NRG3: variants seen among roughly 807,000 people sequenced by gnomAD.
NRG3 encodes pro-neuregulin-3, membrane-bound isoform.
A neutral mutation model predicts 66.9 loss-of-function variants in NRG3; 31 were observed. The ratio of observed to expected loss-of-function variants is 0.46; its 90% CI spans 0.35 to 0.63. The LOEUF (loss-of-function observed/expected upper bound fraction) is 0.63, where lower values mean the gene tolerates loss of function less well. Among genes scored for constraint, NRG3 ranks in the 20% least tolerant of loss-of-function variants. The pLI is 0.00. For synonymous variants in NRG3, 393 were observed against 359.4 expected, an observed-to-expected ratio of 1.09 and a Z score of -1.06; for missense variants, 910 against 878.9, an observed-to-expected ratio of 1.04 and a Z score of -0.45.
intron 2 of NRG3, among the ~76,000 whole-genome samples, chr10:82,727,359 G>A (rs2057658161): frequency 2.0e-5 from 3 of 152,338 alleles, no homozygotes; most frequent in Admixed American, 6.5e-5. Context: ...GCCAGGCCTA[G>A]GGCCCCTCTG....
chr10:82,791,643 C>T (rs1257931122), intron 3 of NRG3, among the ~76,000 whole-genome samples: 2 of 152,114 alleles, frequency 1.3e-5, no homozygotes, highest in African/African-American at 2.4e-5. Context: ...ATGCGTATAA[C>T]ATTGTGAATC....
chr10:81,930,362 A>G (rs572031974), intron 1 of NRG3, among the ~76,000 whole-genome samples: 1 of 152,316 alleles, frequency 6.6e-6, no homozygotes, highest in Non-Finnish European at 1.5e-5. Context: ...CACAGAATTC[A>G]GGAAAGCATT....
chr10:82,130,595 T>C (rs1366067895), intron 1 of NRG3, among the ~76,000 whole-genome samples: 1 of 152,196 alleles, frequency 6.6e-6, no homozygotes, highest in East Asian at 1.9e-4. Context: ...AGTTCCATTT[T>C]TAGTTTCTTG....
intron 1 of NRG3, among the ~76,000 whole-genome samples, chr10:81,963,159 A>G (rs1251707258): frequency 1.4e-5 from 1 of 72,502 alleles, no homozygotes; most frequent in African/African-American, 6.6e-5. Context: ...TTTGAGACGG[A>G]GTCTCGCTCT....
chr10:82,232,819 G>A (rs372594963), intron 1 of NRG3: 2 of 717,354 alleles, frequency 2.8e-6, no homozygotes, highest in African/African-American at 1.7e-5. Flanking sequence ...ACAGGAGCAA[G>A]GTAAGTTGTA....
intron 3 of NRG3, among the ~76,000 whole-genome samples, chr10:82,780,480 C>CTTTTTTTTTTTTTTTTTTT (rs150086019): frequency 1.1e-4 from 12 of 106,054 alleles, no homozygotes; most frequent in Admixed American, 2.0e-4. Context: ...TTTTTCTTTT[C>CTTTTTTTTTTTTTTTTTTT]TTTTTTTTTT....
At chr10:82,273,491 A>G (rs1006706179) in intron 1 of NRG3, among the ~76,000 whole-genome samples, 2 of 152,080 alleles carry the variant, frequency 1.3e-5, no homozygotes, top group African/African-American at 4.8e-5. Flanking sequence ...TTTAAAATGG[A>G]TATGATTGAA....
intron 2 of NRG3, among the ~76,000 whole-genome samples, chr10:82,641,677 G>C (rs952507941): frequency 1.3e-5 from 2 of 152,050 alleles, no homozygotes; most frequent in African/African-American, 4.8e-5. Context: ...AACATCAATG[G>C]ATTGAAATAC....
At chr10:82,569,919 C>T (rs1027884699) in intron 2 of NRG3, among the ~76,000 whole-genome samples, 12 of 151,614 alleles carry the variant, frequency 7.9e-5, no homozygotes, top group Non-Finnish European at 1.8e-4. Flanking sequence ...CACTTGCCTT[C>T]ATAAGTCTTG....
At chr10:82,659,614 A>G (rs2052159865) in intron 2 of NRG3, among the ~76,000 whole-genome samples, 1 of 152,182 alleles carries the variant, frequency 6.6e-6, no homozygotes, top group Admixed American at 6.5e-5. Flanking sequence ...ACTGCACTTC[A>G]GCCTGGGCAA....
chr10:82,780,813 C>G (rs2060092841), intron 3 of NRG3, among the ~76,000 whole-genome samples: 1 of 152,120 alleles, frequency 6.6e-6, no homozygotes, highest in South Asian at 2.1e-4. Context: ...TCTCCATTAG[C>G]TAGGCTCTGG....
At chr10:82,566,081 A>C (rs1187258944) in intron 2 of NRG3, among the ~76,000 whole-genome samples, 1 of 152,066 alleles carries the variant, frequency 6.6e-6, no homozygotes, top group African/African-American at 2.4e-5. Context: ...AAAAAATAGG[A>C]TAATGCATGC....
At chr10:82,048,241 A>C (rs1452117286) in intron 1 of NRG3, among the ~76,000 whole-genome samples, 1 of 152,136 alleles carries the variant, frequency 6.6e-6, no homozygotes, top group African/African-American at 2.4e-5. Flanking sequence ...GCTCTGCACC[A>C]AGAGGACCTA....
At chr10:82,296,649 C>T (rs564462495) in intron 1 of NRG3, among the ~76,000 whole-genome samples, 4 of 152,224 alleles carry the variant, frequency 2.6e-5, no homozygotes, top group African/African-American at 9.6e-5. Flanking sequence ...TTCATCACTT[C>T]TTTGTGTTGG....
At chr10:81,899,767 G>A (rs1165553256) in intron 1 of NRG3, among the ~76,000 whole-genome samples, 1 of 152,012 alleles carries the variant, frequency 6.6e-6, no homozygotes, top group African/African-American at 2.4e-5. Context: ...CCACCTTTAG[G>A]CATCTTGTTG....
At chr10:82,685,143 C>G (rs552050394) in intron 2 of NRG3, among the ~76,000 whole-genome samples, 294 of 152,112 alleles carry the variant, frequency 1.9e-3, no homozygotes, top group Non-Finnish European at 3.4e-3. Flanking sequence ...AGAGGCCCCC[C>G]CCAAAACTTA....
chr10:82,911,559 T>C (rs1280315288), intron 4 of NRG3, among the ~76,000 whole-genome samples: 1 of 151,806 alleles, frequency 6.6e-6, no homozygotes, highest in Non-Finnish European at 1.5e-5. Context: ...TATTATATTT[T>C]AATATTGATG....
Position 82,499,559 on chromosome 10 carries a change from C to T in NRG3, c.953+140691C>T, listed in dbSNP as rs150967025. 5.3e-5 allele frequency among the ~76,000 whole-genome samples: 8 copies of T among 151,970 alleles called. No homozygotes were observed. The East Asian group carries it at 1.6e-3, about 29-fold the overall frequency. On this transcript the variant is annotated intron_variant, in intron 2 of 8. Transcript: ENST00000372141. The stretch of plus-strand genomic sequence containing the variant: ...TTAAATTTCTAACATTTAGAAGCTT[C>T]GTTTTCTTAAATATAAATGTTTTTT...
At chr10:82,255,391 A>G (rs76670412) in intron 1 of NRG3, among the ~76,000 whole-genome samples, 1 of 152,310 alleles carries the variant, frequency 6.6e-6, no homozygotes, top group Non-Finnish European at 1.5e-5. Context: ...AAATGAAGGA[A>G]GTCTGAATAG....
Sources: allele counts gnomAD v4.1 joint callset (sites outside exome capture counted in the v4.1 genomes callset), GRCh38; gene constraint gnomAD v4.1.1; transcripts MANE v1.5; gene names NCBI Gene and HGNC (gene_info 2026-07-23, HGNC 2026-07-21).